The following RALYL variants were observed in gnomAD, a reference collection of about 807,000 sequenced individuals.
The protein encoded by RALYL is RALY RNA binding protein like.
RALYL carries 29 observed loss-of-function variants against 35.1 expected under a neutral mutation model. The ratio of observed to expected loss-of-function variants is 0.83; its 90% CI spans 0.61 to 1.13. The LOEUF is 1.13. RALYL is among the 50% of genes most tolerant of loss of function. The probability of loss-of-function intolerance (pLI) is 0.00; values close to 1 mark genes in which losing one functional copy is unlikely to be tolerated. For synonymous variants in RALYL, 120 were observed against 127.6 expected (o/e 0.94, Z 0.40); for missense variants, 359 against 360.4 (o/e 1.00, Z 0.03).
intron 1 of RALYL, among the ~76,000 whole-genome samples, chr8:84,425,781 T>TTGTG (rs2046346751): frequency 1.7e-5 from 2 of 118,926 alleles, no homozygotes; most frequent in African/African-American, 4.1e-5. Context: ...CCAGTTTTTC[T>TTGTG]TCTGTGTGTG....
At chr8:84,759,140 A>G (rs1812111806) in intron 2 of RALYL, among the ~76,000 whole-genome samples, 1 of 152,076 alleles carries the variant, frequency 6.6e-6, no homozygotes, top group Admixed American at 6.6e-5. Context: ...AAACGTAAAG[A>G]CACTTCTGAT....
chr8:84,323,566 A>G (rs1414671729), intron 1 of RALYL, among the ~76,000 whole-genome samples: 1 of 152,124 alleles, frequency 6.6e-6, no homozygotes. Context: ...TGAGCTCTTC[A>G]GAATAAACAG....
chr8:84,828,158 T>C (rs921003713), intron 4 of RALYL, among the ~76,000 whole-genome samples: 6 of 152,148 alleles, frequency 3.9e-5, no homozygotes, highest in Non-Finnish European at 8.8e-5. Flanking sequence ...GATATGTTTA[T>C]TTGAAACAAA....
chr8:84,268,536 A>G (rs1833734083), intron 1 of RALYL, among the ~76,000 whole-genome samples: 1 of 152,212 alleles, frequency 6.6e-6, no homozygotes, highest in Non-Finnish European at 1.5e-5. Context: ...TGTGTAGTTT[A>G]TTGTATTACT....
At chr8:84,480,594 A>G (rs1197802758) in intron 1 of RALYL, among the ~76,000 whole-genome samples, 1 of 152,166 alleles carries the variant, frequency 6.6e-6, no homozygotes, top group African/African-American at 2.4e-5. Context: ...TACAGGATGT[A>G]AGCAAATTAA....
intron 6 of RALYL, among the ~76,000 whole-genome samples, chr8:84,863,259 A>T (rs147534118): frequency 2.6e-4 from 40 of 152,344 alleles, no homozygotes; most frequent in African/African-American, 8.7e-4. Context: ...ACCTAAAGGA[A>T]GTGAGGAAAA....
At chr8:84,749,322 A>T (rs1809384211) in intron 2 of RALYL, among the ~76,000 whole-genome samples, 1 of 139,064 alleles carries the variant, frequency 7.2e-6, no homozygotes, top group Non-Finnish European at 1.6e-5. Context: ...ATTTGCTTGT[A>T]CCAATTTTTT....
At chr8:84,752,906 G>A (rs554843249) in intron 2 of RALYL, among the ~76,000 whole-genome samples, 2 of 152,278 alleles carry the variant, frequency 1.3e-5, no homozygotes, top group South Asian at 2.1e-4. Context: ...TACTAGGACA[G>A]TGTAAAGGGG....
chr8:84,470,032 C>G (rs1587583783), intron 1 of RALYL, among the ~76,000 whole-genome samples: 1 of 152,158 alleles, frequency 6.6e-6, no homozygotes, highest in East Asian at 1.9e-4. Flanking sequence ...GACCTGCGCC[C>G]ACTGTCTGGC....
intron 5 of RALYL, 50 bp downstream of exon 5, chr8:84,850,077 A>G: frequency 9.4e-7 from 1 of 1,061,132 alleles, no homozygotes; most frequent in South Asian, 1.8e-5. Context: ...TTATCTTTTA[A>G]CCATTTTGTA....
At chr8:84,266,915 G>A (rs950234102) in intron 1 of RALYL, among the ~76,000 whole-genome samples, 2 of 145,906 alleles carry the variant, frequency 1.4e-5, no homozygotes, top group Admixed American at 7.0e-5. Flanking sequence ...AGCCGAGATC[G>A]CGCCACTGCA....
chr8:84,422,365 G>C (rs577598906), intron 1 of RALYL, among the ~76,000 whole-genome samples: 4,927 of 128,172 alleles, frequency 0.038, 115 homozygotes, highest in Middle Eastern at 0.086. Flanking sequence ...TCTGATGGTA[G>C]TTTGTATTTC....
intron 3 of RALYL, among the ~76,000 whole-genome samples, chr8:84,795,386 ATC>A (rs35720129): frequency 0.016 from 2,378 of 152,248 alleles, 59 homozygotes; most frequent in African/African-American, 0.055. Context: ...ATTCCTTTTT[ATC>A]TCTGTTTTTG....
chr8:84,614,656 C>A (rs1219284465), intron 2 of RALYL, among the ~76,000 whole-genome samples: 1 of 151,260 alleles, frequency 6.6e-6, no homozygotes, highest in East Asian at 1.9e-4. Flanking sequence ...GCAAAAACCA[C>A]AATTACCTTT....
At chr8:84,360,177 G>A (rs181867982) in intron 1 of RALYL, among the ~76,000 whole-genome samples, 53 of 152,198 alleles carry the variant, frequency 3.5e-4, no homozygotes, top group African/African-American at 5.5e-4. Flanking sequence ...CTGGCCATGC[G>A]TTCATTTCTT....
chr8:84,297,889 G>T (rs73294897), intron 1 of RALYL, among the ~76,000 whole-genome samples: 3,095 of 151,888 alleles, frequency 0.02, 115 homozygotes, highest in African/African-American at 0.07. Flanking sequence ...CTTTTCTAAT[G>T]GTGTTGTTTG....
chr8:84,639,487 G>A (rs1825867784), intron 2 of RALYL, among the ~76,000 whole-genome samples: 1 of 151,920 alleles, frequency 6.6e-6, no homozygotes, highest in African/African-American at 2.4e-5. Flanking sequence ...AGTGAAACTT[G>A]TCTGACTCTT....
chr8:84,450,722 T>A (rs1675614350), intron 1 of RALYL, among the ~76,000 whole-genome samples: 1 of 152,006 alleles, frequency 6.6e-6, no homozygotes, highest in Non-Finnish European at 1.5e-5. Context: ...TGGAATTTTA[T>A]TTAACTTTAA....
In RALYL at chr8:84,862,302, T is replaced by C; in HGVS notation, c.420T>C (p.Phe140=). The part of the protein sequence containing the change: ...YYRDDFYNRL[F]DYHGRVPPPP... ...CCATTTGTGTTTTGTAAAGGTTATTTGATTACCACGGGCGTGTGCCTCCAC... is the reference window on the plus strand; with the variant it reads ...CCATTTGTGTTTTGTAAAGGTTATTCGATTACCACGGGCGTGTGCCTCCAC... Residue 140 remains phenylalanine (F), a synonymous_variant, in exon 6 of 9, where the codon TTT becomes TTC. Transcript: ENST00000521268. The C allele has an allele frequency of 6.4e-7, 1 of 1,553,994 alleles. No individual in the cohort carries two copies. Among genetic ancestry groups the C allele is most frequent in the Non-Finnish European group, 8.7e-7 (1 of 1,151,146 alleles).
Sources: allele counts gnomAD v4.1 joint callset (sites outside exome capture counted in the v4.1 genomes callset), GRCh38; gene constraint gnomAD v4.1.1; transcripts MANE v1.5; gene names NCBI Gene and HGNC (gene_info 2026-07-23, HGNC 2026-07-21).